The following RGSL1 variants were observed in gnomAD, a reference collection of about 807,000 sequenced individuals.
RGSL1 encodes regulator of G protein signaling like 1, also known as regulator of G protein signaling protein-like.
A neutral mutation model predicts 124.7 loss-of-function variants in RGSL1; 97 were observed. The observed-to-expected ratio is 0.78, with a 90% confidence interval of 0.66 to 0.92. The LOEUF is 0.92. Among genes scored for constraint, RGSL1 ranks in the 40% least tolerant of loss-of-function variants. The pLI is 0.00. For synonymous variants in RGSL1, 424 were observed against 438.1 expected (o/e 0.97, Z 0.40); for missense variants, 1,233 against 1,288.4 (o/e 0.96, Z 0.66).
At chr1:182,471,020 T>G (rs1653790522) in intron 4 of RGSL1, among the ~76,000 whole-genome samples, 1 of 152,192 alleles carries the variant, frequency 6.6e-6, no homozygotes, top group Admixed American at 6.5e-5. Context: ...AGGTTGAGAC[T>G]GCAGAAGGGA....
At chr1:182,473,425 A>G (rs1654011347) in intron 5 of RGSL1, 150 bp from the exon 6 acceptor site, 1 of 862,474 alleles carries the variant, frequency 1.2e-6, no homozygotes, top group Non-Finnish European at 1.7e-6. Context: ...TCGACTCTAT[A>G]TTTAAACTAT....
At chr1:182,512,546 G>A (rs542050926) in intron 9 of RGSL1, among the ~76,000 whole-genome samples, 9 of 152,206 alleles carry the variant, frequency 5.9e-5, no homozygotes, top group South Asian at 4.2e-4. Flanking sequence ...TTTGGGCTCC[G>A]GCCCCACGGT....
intron 15 of RGSL1, among the ~76,000 whole-genome samples, chr1:182,540,941 C>G (rs1659854517): frequency 6.6e-6 from 1 of 151,934 alleles, no homozygotes; most frequent in Admixed American, 6.6e-5. Flanking sequence ...AGACTATACC[C>G]CAAAAGCTGT....
At chr1:182,534,817 A>C (rs1398387025) in intron 14 of RGSL1, among the ~76,000 whole-genome samples, 1 of 150,068 alleles carries the variant, frequency 6.7e-6, no homozygotes, top group Non-Finnish European at 1.5e-5. Context: ...ACAGAGCGAG[A>C]CTCCATCTCA....
chr1:182,495,829 T>G (rs1655875035), intron 9 of RGSL1, among the ~76,000 whole-genome samples: 1 of 152,230 alleles, frequency 6.6e-6, no homozygotes, highest in Non-Finnish European at 1.5e-5. Context: ...CATGGGTGTC[T>G]GGGTCACCTG....
At chr1:182,510,669 A>G (rs1163092911) in intron 9 of RGSL1, among the ~76,000 whole-genome samples, 3 of 23,272 alleles carry the variant, frequency 1.3e-4, no homozygotes, top group African/African-American at 6.7e-4. Context: ...GGAGAGTGAG[A>G]GGGAGAGGGA....
intron 9 of RGSL1, among the ~76,000 whole-genome samples, chr1:182,506,389 T>C (rs946358455): frequency 6.6e-6 from 1 of 152,170 alleles, no homozygotes; most frequent in African/African-American, 2.4e-5. Context: ...ACTCTGGATT[T>C]TTTCATTTAT....
In RGSL1 at chr1:182,527,644, G is replaced by A. The variant is rs778617656; in HGVS notation, c.1997G>A (p.Arg666Gln). 5.7e-5 allele frequency: 89 copies of A among 1,551,492 alleles called. No homozygotes were observed. The highest frequency in any genetic ancestry group is 8.3e-5 in the South Asian group (7 of 84,040). The change falls in exon 11 of 22, where the codon CGG becomes CAG. Residue 666 changes from arginine to glutamine, a missense_variant. Transcript: ENST00000294854. ...LEFFREFLKERKAKIPLQFLT... is the reference protein window; with the variant it reads ...LEFFREFLKEQKAKIPLQFLT... ...TTCTTCAGGGAGTTCCTCAAGGAAC[G>A]GAAGGCTAAAATCCCATTGCAATTT...
chr1:182,516,533 GTCTT>G (rs1256929943), intron 9 of RGSL1, among the ~76,000 whole-genome samples: 1 of 151,770 alleles, frequency 6.6e-6, no homozygotes, highest in East Asian at 1.9e-4. Context: ...TTTTCCTACT[GTCTT>G]TCTTTGTGGT....
chr1:182,548,222 G>T lies in RGSL1; in HGVS notation c.2670-95G>T, dbSNP rs6657620. On this transcript the variant is annotated intron_variant, in intron 15 of 21. Coordinates refer to ENST00000294854, the MANE Select transcript of RGSL1 (RefSeq NM_001137669.2). The stretch of plus-strand genomic sequence containing the variant: ...CAACCTGGCCTAGAACTGGCCTTGC[G>T]TTTTTTGGGCCAGAAATGAGTCTAG... 12 of 1,407,028 alleles carry T rather than the reference G, an allele frequency of 8.5e-6. No homozygotes were observed. The Admixed American group carries it at 1.9e-4, about 22-fold the overall frequency. 87.2% of individuals were successfully genotyped at this position (1,407,028 alleles called of 1,614,324 possible). A position where few individuals can be genotyped will look rare whatever the true frequency, so the allele number is the denominator to read the frequency against.
chr1:182,473,692 T>C lies in RGSL1; in HGVS notation c.581T>C (p.Phe194Ser). The C allele has an allele frequency of 6.4e-7, 1 of 1,551,578 alleles. No individual in the cohort carries two copies. Among genetic ancestry groups the C allele is most frequent in the South Asian group, 1.2e-5 (1 of 84,060 alleles). The change falls in exon 6 of 22, where the codon TTT becomes TCT. Residue 194 changes from phenylalanine (F) to serine (S), a missense_variant. Phe to Ser is a radical substitution (Grantham distance 155, BLOSUM62 -2). Transcript: ENST00000294854. Reference sequence around the variant, plus strand: ...CTCCAGAGCTATTGGCTTCCCAACTTTTACACCCACACCAAGATGACCATG... The same window carrying C: ...CTCCAGAGCTATTGGCTTCCCAACTCTTACACCCACACCAAGATGACCATG... ...FKLQSYWLPN[F>S]YTHTKMTMAK...
intron 4 of RGSL1, among the ~76,000 whole-genome samples, chr1:182,470,508 C>G (rs1463356178): frequency 6.6e-6 from 1 of 152,194 alleles, no homozygotes. Context: ...TAGATACTCA[C>G]ATGGCTCCCT....
chr1:182,548,282 T>G, intron 15 of RGSL1, 35 bp from the exon 16 acceptor site: 1 of 1,551,176 alleles, frequency 6.4e-7, no homozygotes, highest in Non-Finnish European at 8.7e-7. Flanking sequence ...TTTCATCTTC[T>G]CCTCCTGATT....
At chr1:182,484,388 C>T (rs1033564267) in intron 6 of RGSL1, among the ~76,000 whole-genome samples, 2 of 152,070 alleles carry the variant, frequency 1.3e-5, no homozygotes, top group African/African-American at 2.4e-5. Context: ...TGTATGTGAC[C>T]GCTCTTCTGG....
rs867178621 is a variant in RGSL1 at position 182,474,516 on chromosome 1, C to T, written c.1405C>T (p.Pro469Ser). The T allele has an allele frequency of 3.2e-6, 5 of 1,546,898 alleles. No individual in the cohort carries two copies. In the East Asian group the frequency reaches 1.2e-4, roughly 38 times the overall value. The stretch of plus-strand genomic sequence containing the variant: ...CTCTGGGGATGTGATCCCCTGGATT[C>T]CCAAAGCCCAGAAGGAGATTTGCAA... The part of the protein sequence containing the change: ...LPSGDVIPWI[P>S]KAQKEICKML... Residue 469 changes from proline to serine, a missense_variant, in exon 6 of 22, where the codon CCC becomes TCC. Coordinates refer to ENST00000294854, the MANE Select transcript of RGSL1 (RefSeq NM_001137669.2).
intron 9 of RGSL1, among the ~76,000 whole-genome samples, chr1:182,510,923 A>G (rs1007299067): frequency 6.6e-6 from 1 of 152,154 alleles, no homozygotes; most frequent in Non-Finnish European, 1.5e-5. Flanking sequence ...GTGAATAAAT[A>G]TTAGGATGTA....
In RGSL1 at chr1:182,528,299, G is replaced by A. The variant is rs572099448; in HGVS notation, c.2125+527G>A. Among the ~76,000 whole-genome samples, 18 of 152,174 alleles carry A rather than the reference G, an allele frequency of 1.2e-4. 1 individual carries two copies. In the South Asian group the frequency reaches 3.3e-3, roughly 28 times the overall value. ...TTATTACAATTCAAGGTGAGATTTG[G>A]GTGGGGACACAGAGCCAAACCACAT... On this transcript the variant is annotated intron_variant, in intron 11 of 21. Transcript: ENST00000294854.
rs58641894 is a variant in RGSL1 at position 182,508,290 on chromosome 1, G to GTTTTTTTTTTT, written c.1826-13699_1826-13689dup. On this transcript the variant is annotated intron_variant, in intron 9 of 21. Transcript: ENST00000294854. ...GGTGATGGTTGTTGGTGGTGGTGGT[G>GTTTTTTTTTTT]TTTTTTTTTTTTTTTTTTTTTTTTT... 1.1e-4 allele frequency among the ~76,000 whole-genome samples: 6 copies of GTTTTTTTTTTT among 53,784 alleles called. 1 individual carries two copies. The highest frequency in any genetic ancestry group is 4.7e-4 in the African/African-American group (6 of 12,636). The allele number at this position is 53,784 out of a possible 152,430, so 35.3% of individuals were successfully genotyped here.
At chr1:182,558,357 A>G (rs1420887528) in intron 21 of RGSL1, among the ~76,000 whole-genome samples, 1 of 152,222 alleles carries the variant, frequency 6.6e-6, no homozygotes, top group Non-Finnish European at 1.5e-5. Flanking sequence ...GGCCTACTTC[A>G]GTTCCTGTGT....
Sources: gnomAD v4.1 joint callset for allele counts (sites outside exome capture counted in the v4.1 genomes callset) on GRCh38, gnomAD v4.1.1 for gene constraint, MANE v1.5 for transcripts, NCBI Gene and HGNC (gene_info 2026-07-23, HGNC 2026-07-21) for gene names.